Variants in CCDC63 observed in about 807,000 individuals in gnomAD.
CCDC63 encodes coiled-coil domain-containing protein 63.
CCDC63 carries 54 observed loss-of-function variants against 63.6 expected under a neutral mutation model. That is an observed-to-expected ratio of 0.85 (90% CI 0.68 to 1.07). The LOEUF (loss-of-function observed/expected upper bound fraction) is 1.07. Among genes scored for constraint, CCDC63 ranks in the 50% least tolerant of loss-of-function variants. The pLI is 0.00. For synonymous variants in CCDC63, 253 were observed against 266.1 expected (o/e 0.95, Z 0.48); for missense variants, 637 against 689.6 (o/e 0.92, Z 0.86).
chr12:110,874,688 G>A (rs1295425361), intron 5 of CCDC63, among the ~76,000 whole-genome samples: 1 of 152,172 alleles, frequency 6.6e-6, no homozygotes, highest in Non-Finnish European at 1.5e-5. Context: ...GACGTATTCT[G>A]GGGAGAGTTC....
intron 8 of CCDC63, among the ~76,000 whole-genome samples, chr12:110,892,451 T>G (rs1441891382): frequency 1.3e-5 from 2 of 152,092 alleles, no homozygotes; most frequent in Non-Finnish European, 2.9e-5. Flanking sequence ...AATTAGTTCC[T>G]AGTGGCACCA....
chr12:110,862,713 T>C (rs2070872218), intron 4 of CCDC63, among the ~76,000 whole-genome samples: 1 of 152,118 alleles, frequency 6.6e-6, no homozygotes, highest in South Asian at 2.1e-4. Flanking sequence ...CCCTTGTGGA[T>C]AGGAAAACAA....
At chr12:110,901,214 G>A (rs562464431) in intron 10 of CCDC63, among the ~76,000 whole-genome samples, 2 of 152,114 alleles carry the variant, frequency 1.3e-5, no homozygotes, top group Middle Eastern at 6.8e-3. Context: ...GGCATGCAGC[G>A]CACAACAATC....
At chr12:110,906,310 AG>A (rs1238760049) in intron 11 of CCDC63, among the ~76,000 whole-genome samples, 1 of 124,536 alleles carries the variant, frequency 8.0e-6, no homozygotes, top group Non-Finnish European at 1.7e-5. Flanking sequence ...GAAGGCTCAG[AG>A]GCAGGAAGAG....
chr12:110,900,600 C>CTT (rs745415057), intron 10 of CCDC63, among the ~76,000 whole-genome samples: 3 of 137,342 alleles, frequency 2.2e-5, no homozygotes, highest in African/African-American at 2.7e-5. Context: ...ACCTCAGATT[C>CTT]TTTTTTTTTT....
chr12:110,904,060 A>T (rs2071525508), intron 10 of CCDC63, among the ~76,000 whole-genome samples: 1 of 152,176 alleles, frequency 6.6e-6, no homozygotes, highest in Non-Finnish European at 1.5e-5. Context: ...TGTTGTATAC[A>T]TTAAGAAGTC....
chr12:110,907,414 C>T lies in CCDC63; in HGVS notation c.1630C>T (p.Arg544Cys), dbSNP rs774381462. Reference protein sequence around the residue: ...ILKENRSKEVRGDSLPEKVDD... With the variant: ...ILKENRSKEVCGDSLPEKVDD... Reference sequence around the variant, plus strand: ...GAAGGAGAATCGGAGTAAGGAAGTGCGCGGAGACAGCCTGCCTGAGAAGGT... The same window carrying T: ...GAAGGAGAATCGGAGTAAGGAAGTGTGCGGAGACAGCCTGCCTGAGAAGGT... Residue 544 changes from arginine to cysteine, a missense_variant, in exon 12 of 12, where the codon CGC becomes TGC. Physicochemically the swap from Arg to Cys is radical, Grantham distance 180. Transcript: ENST00000308208. The surrounding 1 kb of genome is among the most constrained non-coding windows in gnomAD (Gnocchi z 4.4). 124 of 1,614,030 alleles carry T rather than the reference C, an allele frequency of 7.7e-5. No homozygotes were observed. The highest frequency in any genetic ancestry group is 9.8e-5 in the Non-Finnish European group (116 of 1,180,028).
intron 8 of CCDC63, among the ~76,000 whole-genome samples, chr12:110,887,598 A>T (rs935408194): frequency 6.6e-6 from 1 of 152,036 alleles, no homozygotes; most frequent in Non-Finnish European, 1.5e-5. Flanking sequence ...TTCTTCTGGC[A>T]CCTTTGCTCA....
intron 10 of CCDC63, among the ~76,000 whole-genome samples, chr12:110,899,734 C>T (rs2071464095): frequency 2.0e-5 from 3 of 150,674 alleles, no homozygotes; most frequent in South Asian, 4.2e-4. Flanking sequence ...GTATCTACCT[C>T]ATAAGACTGT....
At chr12:110,872,160 T>C (rs1335667207) in intron 4 of CCDC63, among the ~76,000 whole-genome samples, 2 of 152,160 alleles carry the variant, frequency 1.3e-5, no homozygotes, top group Admixed American at 1.3e-4. Context: ...AACCAGATAG[T>C]GAATATTTTG....
chr12:110,880,964 T>G, intron 6 of CCDC63, 151 bp from the exon 7 acceptor site: 1 of 610,428 alleles, frequency 1.6e-6, no homozygotes, highest in Non-Finnish European at 2.6e-6. Context: ...GTTGTTCAGG[T>G]AAGGAGGATT....
intron 9 of CCDC63, among the ~76,000 whole-genome samples, chr12:110,893,368 T>G (rs1407313370): frequency 6.6e-6 from 1 of 152,214 alleles, no homozygotes; most frequent in African/African-American, 2.4e-5. Context: ...TGTGGAATTC[T>G]GTCCCTTCTT....
intron 4 of CCDC63, among the ~76,000 whole-genome samples, chr12:110,867,445 A>G (rs1261740588): frequency 2.0e-5 from 2 of 99,032 alleles, no homozygotes; most frequent in African/African-American, 4.1e-5. Context: ...GGCCGGGCTG[A>G]GGGGCTCCTC....
chr12:110,853,057 A>C, intron 2 of CCDC63, 94 bp downstream of exon 2: 2 of 1,386,860 alleles, frequency 1.4e-6, no homozygotes, highest in Non-Finnish European at 2.0e-6. Context: ...ATCCTGACAA[A>C]CAGATCTGTG....
chr12:110,846,684 G>A (rs899128862), upstream of CCDC63: 1 of 152,404 alleles, frequency 6.6e-6, no homozygotes, highest in African/African-American at 2.4e-5. Flanking sequence ...AATGGGGTGT[G>A]AGTGGGGCGA....
At chr12:110,882,569 A>G (rs2136701158) in intron 7 of CCDC63, among the ~76,000 whole-genome samples, 1 of 152,066 alleles carries the variant, frequency 6.6e-6, no homozygotes, top group South Asian at 2.1e-4. Flanking sequence ...TGTCTCTTAA[A>G]AAAAAAAAGG....
chr12:110,858,227 T>C (rs1279934012), intron 3 of CCDC63, among the ~76,000 whole-genome samples: 1 of 152,032 alleles, frequency 6.6e-6, no homozygotes, highest in Non-Finnish European at 1.5e-5. Context: ...TAATTGGCGG[T>C]AAAGTCTGGA....
chr12:110,866,464 G>C (rs956784575), intron 4 of CCDC63, among the ~76,000 whole-genome samples: 1 of 144,998 alleles, frequency 6.9e-6, no homozygotes, highest in Admixed American at 7.0e-5. Context: ...AGGACCCTGC[G>C]GCCTTCCGCA....
At chr12:110,891,037 C>G (rs2071350559) in intron 8 of CCDC63, among the ~76,000 whole-genome samples, 1 of 152,034 alleles carries the variant, frequency 6.6e-6, no homozygotes, top group African/African-American at 2.4e-5. Flanking sequence ...CCTTGGCCTC[C>G]CAAAGCACTG....
Sources: gnomAD v4.1 joint callset for allele counts (sites outside exome capture counted in the v4.1 genomes callset) on GRCh38, gnomAD v4.1.1 for gene constraint, Gnocchi (gnomAD v3.1) non-coding constraint, MANE v1.5 for transcripts, NCBI Gene and HGNC (gene_info 2026-07-23, HGNC 2026-07-21) for gene names.